Variants in PPAN observed in about 807,000 individuals in gnomAD.
PPAN encodes suppressor of SWI4 1 homolog.
Under a neutral mutation model 48.5 loss-of-function variants are expected in PPAN, and 39 were observed. The ratio of observed to expected loss-of-function variants is 0.80; its 90% CI spans 0.62 to 1.05. PPAN has a LOEUF of 1.05. Among genes scored for constraint, PPAN ranks in the 50% least tolerant of loss-of-function variants. The probability of loss-of-function intolerance (pLI) is 0.00; values close to 1 mark genes in which losing one functional copy is unlikely to be tolerated. For synonymous variants in PPAN, 315 were observed against 268.6 expected (o/e 1.17, Z -1.69); for missense variants, 736 against 661.7 (o/e 1.11, Z -1.23).
At chr19:10,109,285 G>C (rs1472696943) in intron 5 of PPAN, among the ~76,000 whole-genome samples, 1 of 151,728 alleles carries the variant, frequency 6.6e-6, no homozygotes, top group Non-Finnish European at 1.5e-5. Flanking sequence ...TAAGAGACGG[G>C]GTCTCCGTAC....
chr19:10,108,718 C>G (rs2088932550), intron 5 of PPAN, among the ~76,000 whole-genome samples: 1 of 150,320 alleles, frequency 6.7e-6, no homozygotes, highest in Non-Finnish European at 1.5e-5. Context: ...CGCCACTCTA[C>G]TCCATCCTGG....
chr19:10,109,870 T>G (rs766176718), intron 6 of PPAN, 43 bp from the exon 7 acceptor site: 3 of 1,609,532 alleles, frequency 1.9e-6, no homozygotes, highest in Non-Finnish European at 2.6e-6. Context: ...CCCCATCACG[T>G]GCCCCCTGAC....
Position 10,110,931 on chromosome 19 carries a change from GTC to G in PPAN, c.1202-9_1202-8del. On this transcript the variant is annotated splice_polypyrimidine_tract_variant and intron_variant, in intron 11 of 11. Coordinates refer to ENST00000253107, the MANE Select transcript of PPAN (RefSeq NM_020230.7). The surrounding 1 kb of genome is among the most constrained non-coding windows in gnomAD (Gnocchi z 5.9). ...CCTTGTCTCTGGGGGCCCTGACACT[GTC>G]TCTCCCCACAGACCTGTTCCCCGAG... 6.2e-7 allele frequency: 1 copy of G among 1,613,364 alleles called. No homozygotes were observed. The highest frequency in any genetic ancestry group is 1.3e-5 in the African/African-American group (1 of 74,972).
At position 10,106,424 on chromosome 19, in the gene PPAN, C is replaced by A; in HGVS notation, c.18+12C>A. The stretch of plus-strand genomic sequence containing the variant: ...GACAGTCAGGGAGGGTAAGGCCCGG[C>A]AGCTTGGGAGGCAGGTGGCGCAGGT... On this transcript the variant is annotated intron_variant, in intron 1 of 11. Transcript: ENST00000253107. 1.3e-6 allele frequency: 2 copies of A among 1,548,446 alleles called. No individual in the cohort carries two copies. Among genetic ancestry groups the A allele is most frequent in the Non-Finnish European group, 1.7e-6 (2 of 1,144,998 alleles).
chr19:10,111,190 C>T lies in PPAN; in HGVS notation c.*25C>T, dbSNP rs1241046448. 4.6e-6 allele frequency: 7 copies of T among 1,527,952 alleles called. No individual in the cohort carries two copies. Among genetic ancestry groups the T allele is most frequent in the Non-Finnish European group, 6.1e-6 (7 of 1,140,344 alleles). 94.6% of individuals were successfully genotyped at this position (1,527,952 alleles called of 1,614,324 possible). Reference sequence around the variant, plus strand: ...AGCCCAAGCCGCACCGGAGCAGCGGCTGGATTGAACGCCCCAGATTGGGGC... The same window carrying T: ...AGCCCAAGCCGCACCGGAGCAGCGGTTGGATTGAACGCCCCAGATTGGGGC... On this transcript the variant is annotated 3_prime_UTR_variant, in exon 12 of 12. Transcript: ENST00000253107.
In PPAN at chr19:10,110,303, G is replaced by A. The variant is rs375572743; in HGVS notation, c.823-21G>A. ...CCACCAGTCCCAACGGTGGGCTGACGCTTCTTCCTCGTCCCCTCAGATCGG... is the reference window on the plus strand; with the variant it reads ...CCACCAGTCCCAACGGTGGGCTGACACTTCTTCCTCGTCCCCTCAGATCGG... On this transcript the variant is annotated intron_variant, in intron 8 of 11. Transcript: ENST00000253107. The surrounding 1 kb of genome is among the most constrained non-coding windows in gnomAD (Gnocchi z 5.9). 5.1e-5 allele frequency: 83 copies of A among 1,613,526 alleles called. No homozygotes were observed. The East Asian group carries it at 8.5e-4, about 16-fold the overall frequency.
In PPAN at chr19:10,106,366, G is replaced by T. The variant is rs961377278; in HGVS notation, c.-29G>T. ...CTGCGCAGCGCCGGAAGCGGCGGAC[G>T]CAGGAGGCCTCGTGGAGGACACAGC... is the stretch of plus-strand genomic sequence containing the variant. On this transcript the variant is annotated 5_prime_UTR_variant, in exon 1 of 12. Coordinates refer to ENST00000253107, the MANE Select transcript of PPAN (RefSeq NM_020230.7). 6.5e-7 allele frequency: 1 copy of T among 1,548,884 alleles called. No homozygotes were observed.
Position 10,106,638 on chromosome 19 carries a change from G to C in PPAN, c.156G>C (p.Arg52=), listed in dbSNP as rs868499487. The change falls in exon 2 of 12, where the codon CGG becomes CGC. Residue 52 remains arginine (R), a synonymous_variant. Coordinates refer to ENST00000253107, the MANE Select transcript of PPAN (RefSeq NM_020230.7). ...GGCAGCTCAGCCTGGACGTGCGGCG[G>C]GTCATGGAGCCGCTCACTGCCAGCC... ...NIRQLSLDVR[R]VMEPLTASRL... The C allele has an allele frequency of 3.9e-6, 6 of 1,546,316 alleles. No homozygotes were observed. Among genetic ancestry groups the C allele is most frequent in the Non-Finnish European group, 5.2e-6 (6 of 1,145,736 alleles).
intron 2 of PPAN, chr19:10,106,993 C>T (rs2088854064): frequency 3.2e-6 from 2 of 627,656 alleles, no homozygotes; most frequent in South Asian, 1.5e-5. Flanking sequence ...TCGAGACCAG[C>T]CTGAGCAGCA....
chr19:10,108,064 C>T lies in PPAN; in HGVS notation c.443C>T (p.Pro148Leu). Residue 148 changes from proline (P) to leucine (L), a missense_variant, in exon 5 of 12, where the codon CCC becomes CTC. Pro to Leu is a moderately conservative substitution (Grantham distance 98). Transcript: ENST00000253107. ...PPLLVLNSFGPHGMHVKLMAT... is the reference protein window; with the variant it reads ...PPLLVLNSFGLHGMHVKLMAT... ...CTCCTGGTACTCAACAGCTTTGGCCCCCATGGTATGCATGTGAAGCTCATG... is the reference window on the plus strand; with the variant it reads ...CTCCTGGTACTCAACAGCTTTGGCCTCCATGGTATGCATGTGAAGCTCATG... The T allele has an allele frequency of 1.2e-6, 2 of 1,614,142 alleles. No individual in the cohort carries two copies. Among genetic ancestry groups the T allele is most frequent in the South Asian group, 1.1e-5 (1 of 91,070 alleles).
At chr19:10,109,001 T>G (rs150323074) in intron 5 of PPAN, among the ~76,000 whole-genome samples, 4,619 of 149,824 alleles carry the variant, frequency 0.031, 209 homozygotes, top group African/African-American at 0.096. Context: ...TTGCTCTGTC[T>G]CCCAGGCTGG....
Position 10,108,131 on chromosome 19 carries a change from C to T in PPAN, c.510C>T (p.His170=), listed in dbSNP as rs773914164. Residue 170 remains histidine, a synonymous_variant, in exon 5 of 12, where the codon CAC becomes CAT. Transcript: ENST00000253107. ...FQNLFPSINV[H]KVNLNTIKRC... is the part of the protein sequence containing the mutation. ...ACCTGTTCCCCTCCATCAACGTGCA[C>T]AAGGTGGGTCTGGCCTGGCGAGGTG... 3 of 1,608,658 alleles carry T rather than the reference C, an allele frequency of 1.9e-6. No homozygotes were observed. In the Admixed American group the frequency reaches 5.0e-5, roughly 27 times the overall value.
chr19:10,107,803 G>A lies in PPAN; in HGVS notation c.292-1G>A, dbSNP rs2088887207. Reference sequence around the variant, plus strand: ...GTCACTGATCTTTTCTTCTCCTGCAGAAGCTGATGCGCCTCCCAGGAGGCC... The same window carrying A: ...GTCACTGATCTTTTCTTCTCCTGCAAAAGCTGATGCGCCTCCCAGGAGGCC... On this transcript the variant is annotated splice_acceptor_variant, in intron 3 of 11. Transcript: ENST00000253107. LOFTEE classifies it high-confidence loss of function. The A allele has an allele frequency of 6.2e-7, 1 of 1,613,778 alleles. No individual in the cohort carries two copies. Among genetic ancestry groups the A allele is most frequent in the Non-Finnish European group, 8.5e-7 (1 of 1,179,708 alleles).
At position 10,110,276 on chromosome 19, in the gene PPAN, C is replaced by T; in HGVS notation, c.822+30C>T. 1 of 1,612,656 alleles carries T rather than the reference C, an allele frequency of 6.2e-7. No individual in the cohort carries two copies. The highest frequency in any genetic ancestry group is 8.5e-7 in the Non-Finnish European group (1 of 1,179,610). On this transcript the variant is annotated intron_variant, in intron 8 of 11. Coordinates refer to ENST00000253107, the MANE Select transcript of PPAN (RefSeq NM_020230.7). This position sits in a 1 kb window ranked among gnomAD's most constrained non-coding sequence, Gnocchi z 5.9. Reference sequence around the variant, plus strand: ...GGCCCAGGGCAGGGGGACCCCCGGGCTCCACCAGTCCCAACGGTGGGCTGA... The same window carrying T: ...GGCCCAGGGCAGGGGGACCCCCGGGTTCCACCAGTCCCAACGGTGGGCTGA...
chr19:10,110,637 C>A lies in PPAN; in HGVS notation c.1031+23C>A. On this transcript the variant is annotated intron_variant, in intron 10 of 11. Transcript: ENST00000253107. The surrounding 1 kb of genome is among the most constrained non-coding windows in gnomAD (Gnocchi z 5.9). Reference sequence around the variant, plus strand: ...CAGGTCCAGGCAGAGCTGGGAAGGGCAGGGCCAAGGGGGGGTCCCTGGGAT... The same window carrying A: ...CAGGTCCAGGCAGAGCTGGGAAGGGAAGGGCCAAGGGGGGGTCCCTGGGAT... The A allele has an allele frequency of 6.2e-7, 1 of 1,609,398 alleles. No individual in the cohort carries two copies. Among genetic ancestry groups the A allele is most frequent in the Non-Finnish European group, 8.5e-7 (1 of 1,178,082 alleles).
At chr19:10,108,792 C>CT (rs891710760) in intron 5 of PPAN, among the ~76,000 whole-genome samples, 59 of 150,596 alleles carry the variant, frequency 3.9e-4, no homozygotes, top group Non-Finnish European at 7.4e-4. Flanking sequence ...GGCAGAGATG[C>CT]TAAGTTTAGA....
chr19:10,111,187 C>T lies in PPAN; in HGVS notation c.*22C>T, dbSNP rs767490172. On this transcript the variant is annotated 3_prime_UTR_variant, in exon 12 of 12. Coordinates refer to ENST00000253107, the MANE Select transcript of PPAN (RefSeq NM_020230.7). ...CTGAGCCCAAGCCGCACCGGAGCAG[C>T]GGCTGGATTGAACGCCCCAGATTGG... 1.9e-5 allele frequency: 29 copies of T among 1,537,754 alleles called. No homozygotes were observed. The highest frequency in any genetic ancestry group is 1.5e-4 in the South Asian group (13 of 85,310).
At position 10,106,490 on chromosome 19, in the gene PPAN, C is replaced by A; in HGVS notation, c.19-11C>A. ...GTCGCGGCGCTGACCCTTTGTCTCTCGTCGCCGCAGTCCCGGCACCAGAAG... is the reference window on the plus strand; with the variant it reads ...GTCGCGGCGCTGACCCTTTGTCTCTAGTCGCCGCAGTCCCGGCACCAGAAG... On this transcript the variant is annotated splice_polypyrimidine_tract_variant and intron_variant, in intron 1 of 11. Transcript: ENST00000253107. The A allele has an allele frequency of 1.3e-6, 2 of 1,549,618 alleles. No individual in the cohort carries two copies. Among genetic ancestry groups the A allele is most frequent in the Non-Finnish European group, 1.7e-6 (2 of 1,146,138 alleles).
rs1817230701 is a variant in PPAN at position 10,110,312 on chromosome 19, T to C, written c.823-12T>C. 2 of 1,613,526 alleles carry C rather than the reference T, an allele frequency of 1.2e-6. No individual in the cohort carries two copies. ...CCAACGGTGGGCTGACGCTTCTTCC[T>C]CGTCCCCTCAGATCGGCCCGCGGAT... On this transcript the variant is annotated splice_polypyrimidine_tract_variant and intron_variant, in intron 8 of 11. Transcript: ENST00000253107. This position sits in a 1 kb window ranked among gnomAD's most constrained non-coding sequence, Gnocchi z 5.9.
Sources: gnomAD v4.1 joint callset for allele counts (sites outside exome capture counted in the v4.1 genomes callset) on GRCh38, gnomAD v4.1.1 for gene constraint, Gnocchi (gnomAD v3.1) non-coding constraint, MANE v1.5 for transcripts, NCBI Gene and HGNC (gene_info 2026-07-23, HGNC 2026-07-21) for gene names.